ANKRD28: variants seen among roughly 807,000 people sequenced by gnomAD.
The protein encoded by ANKRD28 is serine/threonine-protein phosphatase 6 regulatory ankyrin repeat subunit A.
A neutral mutation model predicts 126.5 loss-of-function variants in ANKRD28; 44 were observed. That is an observed-to-expected ratio of 0.35 (90% CI 0.27 to 0.45). ANKRD28 has a LOEUF of 0.45. Among genes scored for constraint, ANKRD28 ranks in the 20% least tolerant of loss-of-function variants. ANKRD28 has a pLI of 1.00. For missense variants in ANKRD28, 1,110 were observed against 1,316.6 expected (o/e 0.84, Z 2.43); for synonymous variants, 442 against 468.5 (o/e 0.94, Z 0.73).
chr3:15,827,679 G>C (rs1251641077), intron 1 of ANKRD28, among the ~76,000 whole-genome samples: 5 of 152,120 alleles, frequency 3.3e-5, no homozygotes, highest in Admixed American at 6.6e-5. Context: ...CATTGGATTT[G>C]GCAGTGATTC....
At chr3:15,799,139 T>TC (rs960578027), upstream of ANKRD28, among the ~76,000 whole-genome samples, 16 of 152,012 alleles carry the variant, frequency 1.1e-4, no homozygotes, top group Non-Finnish European at 2.4e-4. Flanking sequence ...TTCTCTCCAC[T>TC]CATCTCCAGA....
At chr3:15,746,562 C>A (rs1215993882) in intron 4 of ANKRD28, among the ~76,000 whole-genome samples, 1 of 152,172 alleles carries the variant, frequency 6.6e-6, no homozygotes, top group Non-Finnish European at 1.5e-5. Context: ...TGGTATGAAA[C>A]CCACCTGATC....
intron 21 of ANKRD28, among the ~76,000 whole-genome samples, chr3:15,682,843 A>G (rs1020063549): frequency 2.6e-5 from 4 of 152,230 alleles, no homozygotes; most frequent in Admixed American, 2.0e-4. Context: ...CGCTTATTGC[A>G]TATAGCCAAC....
At chr3:15,755,346 G>A (rs3924773) in intron 3 of ANKRD28, among the ~76,000 whole-genome samples, 70,715 of 151,982 alleles carry the variant, frequency 0.47, 19,412 homozygotes, top group Non-Finnish European at 0.6. Flanking sequence ...TACACTACAA[G>A]AGCAGCAGTT....
chr3:15,677,360 T>C (rs962442858), intron 25 of ANKRD28, 120 bp downstream of exon 25: 1 of 706,300 alleles, frequency 1.4e-6, no homozygotes, highest in African/African-American at 1.8e-5. Flanking sequence ...TCAAGAAATC[T>C]AATACCAGTG....
intron 21 of ANKRD28, among the ~76,000 whole-genome samples, chr3:15,682,464 G>A (rs2067646437): frequency 6.6e-6 from 1 of 152,112 alleles, no homozygotes; most frequent in South Asian, 2.1e-4. Flanking sequence ...AAGATAGATA[G>A]GATGGTAAAC....
chr3:15,786,197 A>T (rs956824161), intron 2 of ANKRD28, among the ~76,000 whole-genome samples: 1 of 152,136 alleles, frequency 6.6e-6, no homozygotes, highest in Admixed American at 6.6e-5. Flanking sequence ...AATGATATGT[A>T]TTAATGTAGG....
At chr3:15,851,240 T>C (rs2061644438) in intron 1 of ANKRD28, among the ~76,000 whole-genome samples, 1 of 152,070 alleles carries the variant, frequency 6.6e-6, no homozygotes, top group African/African-American at 2.4e-5. Flanking sequence ...TGCAGTAAGA[T>C]ACTACTTCAT....
intron 2 of ANKRD28, among the ~76,000 whole-genome samples, chr3:15,774,222 G>A (rs974376267): frequency 2.6e-5 from 4 of 152,112 alleles, no homozygotes; most frequent in African/African-American, 9.7e-5. Flanking sequence ...AGAGCTCTTA[G>A]ATGCAATACC....
At chr3:15,823,609 A>G (rs539755757) in intron 1 of ANKRD28, among the ~76,000 whole-genome samples, 5 of 152,202 alleles carry the variant, frequency 3.3e-5, no homozygotes, top group Non-Finnish European at 5.9e-5. Context: ...CCAAAACTAG[A>G]AAAAGACATC....
chr3:15,686,944 T>C (rs189553180), intron 18 of ANKRD28, among the ~76,000 whole-genome samples: 16 of 147,032 alleles, frequency 1.1e-4, no homozygotes, highest in Admixed American at 1.1e-3. Context: ...TGCCTGATAT[T>C]GCTTTTTTTT....
At chr3:15,832,291 A>G (rs2061221615) in intron 1 of ANKRD28, among the ~76,000 whole-genome samples, 1 of 152,198 alleles carries the variant, frequency 6.6e-6, no homozygotes, top group African/African-American at 2.4e-5. Flanking sequence ...ATTATTTTGC[A>G]TTTTATTATT....
At chr3:15,731,951 C>G (rs1015608452) in intron 6 of ANKRD28, 1 of 147,172 alleles carries the variant, frequency 6.8e-6, no homozygotes, top group Admixed American at 6.8e-5. Context: ...TACACTCACA[C>G]TGAAGGTCAG....
chr3:15,742,039 C>T (rs1310677080), intron 4 of ANKRD28, among the ~76,000 whole-genome samples: 5 of 152,202 alleles, frequency 3.3e-5, no homozygotes, highest in African/African-American at 7.2e-5. Context: ...TCACTCAGTG[C>T]TCAATGGTGC....
intron 2 of ANKRD28, among the ~76,000 whole-genome samples, chr3:15,793,887 G>C (rs2125805468): frequency 6.6e-6 from 1 of 152,040 alleles, no homozygotes; most frequent in East Asian, 1.9e-4. Flanking sequence ...CCAACATGGT[G>C]AATGAAACCC....
chr3:15,755,368 T>G (rs1429673719), intron 3 of ANKRD28, among the ~76,000 whole-genome samples: 1 of 152,176 alleles, frequency 6.6e-6, no homozygotes, highest in Non-Finnish European at 1.5e-5. Flanking sequence ...GCTGTGTTCC[T>G]GTAAAATGAA....
At chr3:15,724,978 C>G (rs1206425340) in intron 6 of ANKRD28, among the ~76,000 whole-genome samples, 1 of 152,050 alleles carries the variant, frequency 6.6e-6, no homozygotes, top group African/African-American at 2.4e-5. Context: ...GAGGCCTTAT[C>G]TCGAAACAAA....
intron 1 of ANKRD28, among the ~76,000 whole-genome samples, chr3:15,827,840 C>G (rs2061101033): frequency 6.6e-6 from 1 of 152,136 alleles, no homozygotes; most frequent in African/African-American, 2.4e-5. Context: ...AATTACAAAT[C>G]TGACAAGGGA....
intron 1 of ANKRD28, among the ~76,000 whole-genome samples, chr3:15,821,893 T>A (rs1239873356): frequency 1.3e-5 from 2 of 152,212 alleles, no homozygotes; most frequent in Non-Finnish European, 1.5e-5. Flanking sequence ...TGTTCCACCA[T>A]GCTTGGAGAT....
Sources: gnomAD v4.1 joint callset for allele counts (sites outside exome capture counted in the v4.1 genomes callset) on GRCh38, gnomAD v4.1.1 for gene constraint, MANE v1.5 for transcripts, NCBI Gene and HGNC (gene_info 2026-07-23, HGNC 2026-07-21) for gene names.